Variants in TMEM87B observed in about 807,000 individuals in gnomAD.
TMEM87B encodes transmembrane protein 87B.
A neutral mutation model predicts 80.3 loss-of-function variants in TMEM87B; 83 were observed. The observed-to-expected ratio is 1.03, with a 90% CI of 0.87 to 1.24. The LOEUF is 1.24. TMEM87B is among the 50% of genes most tolerant of loss of function. TMEM87B has a pLI of 0.00. For synonymous variants in TMEM87B, 219 were observed against 230.5 expected (o/e 0.95, Z 0.45); for missense variants, 625 against 674.4 (o/e 0.93, Z 0.81).
At position 112,097,096 on chromosome 2, in the gene TMEM87B, C is replaced by T. The variant is rs1679492070; in HGVS notation, c.1157C>T (p.Thr386Ile). The T allele has an allele frequency of 2.5e-6, 4 of 1,609,236 alleles. No homozygotes were observed. Among genetic ancestry groups the T allele is most frequent in the South Asian group, 2.2e-5 (2 of 89,456 alleles). Residue 386 changes from threonine (T) to isoleucine (I), a missense_variant, in exon 12 of 19, where the codon ACT (threonine) becomes ATT (isoleucine). Coordinates refer to ENST00000283206, the MANE Select transcript of TMEM87B (RefSeq NM_032824.3). ...TMKTLRLRKN[T>I]VKFSLYRHFK... ...AAGACCCTAAGGCTAAGAAAGAACA[C>T]TGTGAAATTTTCATTATATAGACAT...
At chr2:112,075,083 G>A in intron 5 of TMEM87B, 121 bp downstream of exon 5, 1 of 1,390,178 alleles carries the variant, frequency 7.2e-7, no homozygotes, top group Non-Finnish European at 9.5e-7. Flanking sequence ...ACTGTGGAAG[G>A]AAAAGGAAAC....
At chr2:112,096,863 C>T (rs561161717) in intron 11 of TMEM87B, among the ~76,000 whole-genome samples, 181 bp from the exon 12 acceptor site, 1 of 152,266 alleles carries the variant, frequency 6.6e-6, no homozygotes, top group Non-Finnish European at 1.5e-5. Flanking sequence ...AAAAGAAAAT[C>T]TGTGATAAAG....
intron 1 of TMEM87B, among the ~76,000 whole-genome samples, chr2:112,059,361 C>T (rs940665217): frequency 3.3e-5 from 5 of 151,718 alleles, no homozygotes; most frequent in Admixed American, 2.6e-4. Context: ...TCCTGCAGAA[C>T]GGGCTTTTGA....
Position 112,077,290 on chromosome 2 carries a change from TA to T in TMEM87B, c.592+11del. The T allele has an allele frequency of 6.9e-7, 1 of 1,455,132 alleles. No homozygotes were observed. The highest frequency in any genetic ancestry group is 1.3e-5 in the South Asian group (1 of 78,814). 90.1% of individuals were successfully genotyped at this position (1,455,132 alleles called of 1,614,324 possible). On this transcript the variant is annotated intron_variant, in intron 6 of 18. Transcript: ENST00000283206. ...CAAGCTGGAATTTGAATGGTATAGT[TA>T]AACTGCATGCATGTTTACTGTCTGC... is the stretch of plus-strand genomic sequence containing the variant.
chr2:112,058,144 A>G (rs555517024), intron 1 of TMEM87B, among the ~76,000 whole-genome samples: 1 of 152,186 alleles, frequency 6.6e-6, no homozygotes, highest in East Asian at 1.9e-4. Flanking sequence ...TAAAAGATGG[A>G]TAAGTACTAC....
At chr2:112,077,996 C>T (rs962811502) in intron 6 of TMEM87B, among the ~76,000 whole-genome samples, 6 of 152,190 alleles carry the variant, frequency 3.9e-5, no homozygotes, top group African/African-American at 1.4e-4. Flanking sequence ...AGTCAGCTGG[C>T]AGAAACCAAT....
chr2:112,105,957 T>C (rs1233270895), intron 15 of TMEM87B, 45 bp from the exon 16 acceptor site: 1 of 1,343,226 alleles, frequency 7.4e-7, no homozygotes, highest in Non-Finnish European at 1.0e-6. Flanking sequence ...TAAAGGAAAA[T>C]ATTATTTTGT....
At chr2:112,089,290 C>T (rs1455667805) in intron 9 of TMEM87B, among the ~76,000 whole-genome samples, 6 of 152,164 alleles carry the variant, frequency 3.9e-5, no homozygotes, top group Admixed American at 1.3e-4. Flanking sequence ...TGGCATTTAC[C>T]TTCCTAGATT....
chr2:112,061,925 G>C (rs187687626), intron 2 of TMEM87B, among the ~76,000 whole-genome samples: 130 of 152,324 alleles, frequency 8.5e-4, no homozygotes, highest in Non-Finnish European at 8.2e-4. Flanking sequence ...GGCAGTTGTG[G>C]ATATAGCATC....
chr2:112,073,051 C>G (rs1678704689), intron 4 of TMEM87B, among the ~76,000 whole-genome samples: 1 of 151,884 alleles, frequency 6.6e-6, no homozygotes, highest in African/African-American at 2.4e-5. Flanking sequence ...AGGCACCCAC[C>G]ACCACACCCA....
At chr2:112,076,149 G>A (rs1573696278) in intron 5 of TMEM87B, among the ~76,000 whole-genome samples, 1 of 152,202 alleles carries the variant, frequency 6.6e-6, no homozygotes, top group Admixed American at 6.5e-5. Flanking sequence ...GCTACTCGGA[G>A]GCTGAGGCAC....
chr2:112,109,236 T>G (rs949269846), intron 17 of TMEM87B, among the ~76,000 whole-genome samples: 7 of 152,220 alleles, frequency 4.6e-5, no homozygotes, highest in African/African-American at 1.7e-4. Context: ...TTTTTTATTT[T>G]AGCAGTCAGA....
rs1185153655 is a variant in TMEM87B at position 112,116,935 on chromosome 2, C to T, written c.*792C>T. ...GCCACGTGGCTCCCCCAGAGCACTT[C>T]CTAACTGGCAAGCTGGGAGACCCAT... On this transcript the variant is annotated 3_prime_UTR_variant, in exon 19 of 19. Coordinates refer to ENST00000283206, the MANE Select transcript of TMEM87B (RefSeq NM_032824.3). 1.3e-5 allele frequency: 2 copies of T among 152,594 alleles called. No homozygotes were observed. Among genetic ancestry groups the T allele is most frequent in the African/African-American group, 4.8e-5 (2 of 41,432 alleles). The allele number at this position is 152,594 out of a possible 1,614,324, so 9.5% of individuals were successfully genotyped here.
At chr2:112,070,181 A>G (rs545830734) in intron 4 of TMEM87B, among the ~76,000 whole-genome samples, 23 of 152,030 alleles carry the variant, frequency 1.5e-4, no homozygotes, top group Admixed American at 1.3e-3. Flanking sequence ...GTTTAATTAG[A>G]TCCTATTTGT....
intron 4 of TMEM87B, among the ~76,000 whole-genome samples, chr2:112,068,344 G>T (rs1384393255): frequency 6.6e-6 from 1 of 152,142 alleles, no homozygotes; most frequent in Non-Finnish European, 1.5e-5. Flanking sequence ...AGTTTTAAAG[G>T]AGTTCTCTTT....
chr2:112,108,688 T>C (rs1679835872), intron 17 of TMEM87B, among the ~76,000 whole-genome samples: 1 of 152,174 alleles, frequency 6.6e-6, no homozygotes, highest in African/African-American at 2.4e-5. Context: ...TTTGTGTGGG[T>C]TGAGGTTTTT....
At chr2:112,061,426 G>A (rs944850717) in intron 2 of TMEM87B, among the ~76,000 whole-genome samples, 6 of 152,122 alleles carry the variant, frequency 3.9e-5, no homozygotes, top group African/African-American at 1.4e-4. Context: ...TTCCTTTTAT[G>A]GGTCTTTCCT....
intron 8 of TMEM87B, among the ~76,000 whole-genome samples, chr2:112,084,777 T>G (rs572882172): frequency 7.2e-5 from 11 of 152,362 alleles, no homozygotes; most frequent in African/African-American, 2.4e-4. Flanking sequence ...CATCTCTTAG[T>G]TTTCTGGAAT....
chr2:112,072,394 A>G (rs1377472110), intron 4 of TMEM87B, among the ~76,000 whole-genome samples: 1 of 152,156 alleles, frequency 6.6e-6, no homozygotes, highest in Non-Finnish European at 1.5e-5. Context: ...TTTAGCTGTG[A>G]ATCCATCTGG....
Sources: allele counts gnomAD v4.1 joint callset (sites outside exome capture counted in the v4.1 genomes callset), GRCh38; gene constraint gnomAD v4.1.1; transcripts MANE v1.5; gene names NCBI Gene and HGNC (gene_info 2026-07-23, HGNC 2026-07-21).